The following IRF2 variants were observed in gnomAD, a reference collection of about 807,000 sequenced individuals.
IRF2 encodes interferon regulatory factor 2.
IRF2 carries 15 observed loss-of-function variants against 40.6 expected under a neutral mutation model. That is an observed-to-expected ratio of 0.37 (90% CI 0.25 to 0.57). The LOEUF is 0.57. Ranked by LOEUF, IRF2 falls within the 20% of genes least tolerant of loss-of-function variation. IRF2 has a pLI of 0.77. For synonymous variants in IRF2, 151 were observed against 165.5 expected (o/e 0.91, Z 0.67); for missense variants, 317 against 455.7 (o/e 0.70, Z 2.77).
chr4:184,407,937 C>A (rs1381165510), intron 6 of IRF2, among the ~76,000 whole-genome samples: 1 of 151,852 alleles, frequency 6.6e-6, no homozygotes, highest in African/African-American at 2.4e-5. Flanking sequence ...GGAGGTCACC[C>A]CAGCCTTCTT....
intron 6 of IRF2, among the ~76,000 whole-genome samples, chr4:184,400,155 A>C (rs1462548119): frequency 1.3e-5 from 2 of 152,214 alleles, no homozygotes; most frequent in South Asian, 2.1e-4. Context: ...AAACAGTTCC[A>C]TCACGACCAA....
At position 184,408,240 on chromosome 4, in the gene IRF2, A is replaced by G. The variant is rs763950736; in HGVS notation, c.447T>C (p.Asn149=). The G allele has an allele frequency of 1.1e-5, 17 of 1,613,122 alleles. No homozygotes were observed. Among genetic ancestry groups the G allele is most frequent in the Non-Finnish European group, 5.1e-6 (6 of 1,179,002 alleles). ...ACTCAGGAGAAAGATCACTTACTCC[A>G]TTACTAAGCCCCAGAGATGACTCAA... is the stretch of plus-strand genomic sequence containing the variant. The part of the protein sequence containing the change: ...EPVESSLGLS[N]GVSDLSPEYA... The change falls in exon 6 of 9, where the codon AAT becomes AAC. Residue 149 remains asparagine (N), a synonymous_variant. Transcript: ENST00000393593. The surrounding 1 kb of genome is among the most constrained non-coding windows in gnomAD (Gnocchi z 4.9).
rs968539988 is a variant in IRF2 at position 184,466,069 on chromosome 4, T to G, written c.-7+8310A>C. On this transcript the variant is annotated intron_variant, in intron 1 of 8. Transcript: ENST00000393593. ...CATCTGGTTGTTTTTTGTTTTTTGT[T>G]TTTTTTTTGAGATGAAGTCTCACGC... 5.9e-3 allele frequency among the ~76,000 whole-genome samples: 347 copies of G among 59,074 alleles called. 1 individual carries two copies. Among genetic ancestry groups the G allele is most frequent in the African/African-American group, 0.013 (332 of 24,620 alleles). The allele number at this position is 59,074 out of a possible 152,430, so 38.8% of individuals were successfully genotyped here.
At chr4:184,472,876 C>G (rs1739565093) in intron 1 of IRF2, among the ~76,000 whole-genome samples, 1 of 152,226 alleles carries the variant, frequency 6.6e-6, no homozygotes, top group Non-Finnish European at 1.5e-5. Flanking sequence ...CCTGCCCAGG[C>G]TGCCCGCCTC....
chr4:184,415,495 A>G (rs571886244), intron 5 of IRF2, among the ~76,000 whole-genome samples: 6 of 152,222 alleles, frequency 3.9e-5, no homozygotes, highest in Non-Finnish European at 8.8e-5. Flanking sequence ...GACAAACGGG[A>G]CCACCACATG....
Position 184,449,492 on chromosome 4 carries a change from C to T in IRF2, c.-6-20422G>A, listed in dbSNP as rs145296006. Among the ~76,000 whole-genome samples the T allele has an allele frequency of 1.2e-3, 182 of 152,318 alleles. 1 individual carries two copies. The highest frequency in any genetic ancestry group is 4.0e-3 in the African/African-American group (165 of 41,564). ...GCCCAGAGTACGGCAGAGGCCAACGCTCAATAAATATTAGTTGACTAAATA... is the reference window on the plus strand; with the variant it reads ...GCCCAGAGTACGGCAGAGGCCAACGTTCAATAAATATTAGTTGACTAAATA... On this transcript the variant is annotated intron_variant, in intron 1 of 8. Transcript: ENST00000393593.
chr4:184,473,256 G>A (rs1739585413), intron 1 of IRF2, among the ~76,000 whole-genome samples: 1 of 150,400 alleles, frequency 6.6e-6, no homozygotes, highest in African/African-American at 2.4e-5. Context: ...ACCCCGCCGC[G>A]GCCCGCGCCC....
intron 1 of IRF2, among the ~76,000 whole-genome samples, chr4:184,444,343 G>A (rs112668136): frequency 2.0e-3 from 306 of 152,234 alleles, no homozygotes; most frequent in South Asian, 0.016. Flanking sequence ...GTCTCCATCC[G>A]GCAACTATAG....
At chr4:184,435,174 T>C (rs971039981) in intron 1 of IRF2, among the ~76,000 whole-genome samples, 1 of 152,216 alleles carries the variant, frequency 6.6e-6, no homozygotes, top group African/African-American at 2.4e-5. Flanking sequence ...AAGACTCTCA[T>C]TTAAATTCAG....
chr4:184,419,589 A>T, intron 2 of IRF2, 21 bp from the exon 3 acceptor site: 2 of 1,500,512 alleles, frequency 1.3e-6, no homozygotes, highest in South Asian at 1.2e-5. Flanking sequence ...AAAAAAAAAA[A>T]AAGGTAAAGA....
At chr4:184,402,273 G>A (rs1425640969) in intron 6 of IRF2, among the ~76,000 whole-genome samples, 1 of 152,172 alleles carries the variant, frequency 6.6e-6, no homozygotes, top group South Asian at 2.1e-4. Flanking sequence ...GCTTCAATGA[G>A]GTAGTGGCAC....
At chr4:184,411,557 C>T (rs917755160) in intron 5 of IRF2, among the ~76,000 whole-genome samples, 1 of 152,166 alleles carries the variant, frequency 6.6e-6, no homozygotes, top group East Asian at 1.9e-4. Flanking sequence ...ACAGACAGTA[C>T]AGTCAATGGC....
intron 7 of IRF2, among the ~76,000 whole-genome samples, chr4:184,395,412 CAAAAAA>C (rs34566726): frequency 3.0e-5 from 2 of 67,098 alleles, no homozygotes; most frequent in Admixed American, 2.4e-4. Context: ...GACTCCGTCT[CAAAAAA>C]AAAAAAAAAA....
At chr4:184,462,369 A>G (rs1395882559) in intron 1 of IRF2, among the ~76,000 whole-genome samples, 1 of 152,212 alleles carries the variant, frequency 6.6e-6, no homozygotes, top group East Asian at 1.9e-4. Flanking sequence ...AGCAGTTCTT[A>G]GGTAGTCTTC....
At chr4:184,444,381 C>A (rs1182575019) in intron 1 of IRF2, among the ~76,000 whole-genome samples, 1 of 152,166 alleles carries the variant, frequency 6.6e-6, no homozygotes, top group Non-Finnish European at 1.5e-5. Context: ...GCTTCAGGAA[C>A]CAAACGCAGA....
intron 6 of IRF2, among the ~76,000 whole-genome samples, chr4:184,402,330 T>C (rs543748503): frequency 1.2e-3 from 183 of 152,152 alleles, no homozygotes; most frequent in Admixed American, 2.2e-3. Context: ...GCCCCTGACT[T>C]CTGGAGCCCC....
At position 184,388,620 on chromosome 4, in the gene IRF2, C is replaced by A; in HGVS notation, c.*138G>T. On this transcript the variant is annotated 3_prime_UTR_variant, in exon 9 of 9. Coordinates refer to ENST00000393593, the MANE Select transcript of IRF2 (RefSeq NM_002199.4). This position sits in a 1 kb window ranked among gnomAD's most constrained non-coding sequence, Gnocchi z 4.6. ...GAAGCTCCAGTACTGGAGTTGGACA[C>A]AGCAATCAATGTTCTATTGTCAAGG... is the stretch of plus-strand genomic sequence containing the variant. 1.2e-6 allele frequency: 1 copy of A among 863,566 alleles called. No individual in the cohort carries two copies. The highest frequency in any genetic ancestry group is 1.8e-6 in the Non-Finnish European group (1 of 555,038). The allele number at this position is 863,566 out of a possible 1,614,324, so 53.5% of individuals were successfully genotyped here.
Position 184,443,012 on chromosome 4 carries a change from G to A in IRF2, c.-6-13942C>T, listed in dbSNP as rs183238786. Reference sequence around the variant, plus strand: ...ACGATCTCTGCTCACTGCACCCTCCGCCTCCCAGGTTCAAGCGATTCTCCT... The same window carrying A: ...ACGATCTCTGCTCACTGCACCCTCCACCTCCCAGGTTCAAGCGATTCTCCT... On this transcript the variant is annotated intron_variant, in intron 1 of 8. Transcript: ENST00000393593. 2.6e-3 allele frequency among the ~76,000 whole-genome samples: 394 copies of A among 152,094 alleles called. 2 individuals are homozygous for A. Among genetic ancestry groups the A allele is most frequent in the African/African-American group, 8.6e-3 (358 of 41,476 alleles).
At chr4:184,451,470 C>G (rs1390944510) in intron 1 of IRF2, among the ~76,000 whole-genome samples, 1 of 152,160 alleles carries the variant, frequency 6.6e-6, no homozygotes, top group Non-Finnish European at 1.5e-5. Flanking sequence ...ACAGTAACCC[C>G]ATGGGGTCGT....
Sources: gnomAD v4.1 joint callset for allele counts (sites outside exome capture counted in the v4.1 genomes callset) on GRCh38, gnomAD v4.1.1 for gene constraint, Gnocchi (gnomAD v3.1) non-coding constraint, MANE v1.5 for transcripts, NCBI Gene and HGNC (gene_info 2026-07-23, HGNC 2026-07-21) for gene names.